The following STRN variants were observed in gnomAD, a reference collection of about 807,000 sequenced individuals.
The protein encoded by STRN is protein phosphatase 2 regulatory subunit B'''alpha.
In STRN, 53 loss-of-function variants were observed where a neutral mutation model predicts 96.3. The observed-to-expected ratio is 0.55, with a 90% CI of 0.44 to 0.69. The LOEUF (loss-of-function observed/expected upper bound fraction) is 0.69, where lower values mean the gene tolerates loss of function less well. Among genes scored for constraint, STRN ranks in the 30% least tolerant of loss-of-function variants. The probability of loss-of-function intolerance (pLI) is 0.00; values close to 1 mark genes in which losing one functional copy is unlikely to be tolerated. For missense variants in STRN, 987 were observed against 963.9 expected (o/e 1.02, Z -0.32); for synonymous variants, 428 against 355.9 (o/e 1.20, Z -2.28).
At chr2:36,878,761 G>GT (rs1183146387) in intron 9 of STRN, among the ~76,000 whole-genome samples, 2 of 150,538 alleles carry the variant, frequency 1.3e-5, no homozygotes, top group African/African-American at 2.4e-5. Context: ...TTTTTTTTAT[G>GT]TTTTTTTCTG....
chr2:36,955,411 T>G (rs929481324), intron 1 of STRN, among the ~76,000 whole-genome samples: 1 of 152,244 alleles, frequency 6.6e-6, no homozygotes, highest in Non-Finnish European at 1.5e-5. Context: ...TGTGCATATG[T>G]GCATATGCAT....
intron 1 of STRN, among the ~76,000 whole-genome samples, chr2:36,955,428 G>A (rs531442876): frequency 2.6e-5 from 4 of 152,356 alleles, no homozygotes; most frequent in East Asian, 1.9e-4. Flanking sequence ...GCATGCGTGT[G>A]TATCCCTGTC....
rs202066152 is a variant in STRN, at chr2:36,855,348, C to G, written c.1842G>C (p.Leu614=). 133 of 1,612,900 alleles carry G rather than the reference C, an allele frequency of 8.2e-5. No individual in the cohort carries two copies. The highest frequency in any genetic ancestry group is 6.2e-4 in the South Asian group (56 of 90,816). Residue 614 remains leucine, a synonymous_variant, in exon 15 of 18, where the codon CTG becomes CTC. Coordinates refer to ENST00000263918, the MANE Select transcript of STRN (RefSeq NM_003162.4). ...CTAGATCCACAGAGGCAGGGATTCC[C>G]AGTTCTGAAAGAGAACATATTGAAA... The part of the protein sequence containing the change: ...ALSVFNDTKE[L]GIPASVDLVS...
intron 2 of STRN, 65 bp downstream of exon 2, chr2:36,925,040 G>T: frequency 6.8e-7 from 1 of 1,474,384 alleles, no homozygotes; most frequent in Non-Finnish European, 9.4e-7. Context: ...TGGGCAACAA[G>T]AACGAAACTC....
At chr2:36,938,012 C>CA (rs1264632451) in intron 1 of STRN, among the ~76,000 whole-genome samples, 3 of 152,100 alleles carry the variant, frequency 2.0e-5, no homozygotes, top group Non-Finnish European at 4.4e-5. Context: ...ATGAACATGG[C>CA]AATGAGTATT....
intron 6 of STRN, among the ~76,000 whole-genome samples, chr2:36,895,639 C>T (rs1409781966): frequency 6.6e-6 from 1 of 151,388 alleles, no homozygotes; most frequent in African/African-American, 2.4e-5. Flanking sequence ...GGGCCAGGTA[C>T]GGTGGCTCAT....
intron 12 of STRN, among the ~76,000 whole-genome samples, chr2:36,866,496 G>A (rs1465001610): frequency 1.3e-5 from 2 of 152,202 alleles, no homozygotes; most frequent in African/African-American, 4.8e-5. Context: ...ATGTACAAAT[G>A]AGAAGAATGT....
intron 7 of STRN, among the ~76,000 whole-genome samples, chr2:36,887,259 T>A (rs1222069684): frequency 1.5e-5 from 2 of 136,706 alleles, no homozygotes; most frequent in Non-Finnish European, 3.2e-5. Context: ...GAAACCCCAT[T>A]TCTAGTAAAA....
At chr2:36,964,691 C>A (rs1558673816) in intron 1 of STRN, among the ~76,000 whole-genome samples, 1 of 152,226 alleles carries the variant, frequency 6.6e-6, no homozygotes, top group Non-Finnish European at 1.5e-5. Flanking sequence ...CAGAGGCCTA[C>A]CCTGACTACC....
chr2:36,849,300 T>C lies in STRN; in HGVS notation c.*156A>G. 1 of 845,254 alleles carries C rather than the reference T, an allele frequency of 1.2e-6. No individual in the cohort carries two copies. Among genetic ancestry groups the C allele is most frequent in the Non-Finnish European group, 1.8e-6 (1 of 561,102 alleles). 52.4% of individuals were successfully genotyped at this position (845,254 alleles called of 1,614,324 possible). On this transcript the variant is annotated 3_prime_UTR_variant, in exon 18 of 18. Coordinates refer to ENST00000263918, the MANE Select transcript of STRN (RefSeq NM_003162.4). ...AACAAACCTTAGTTTTAGAAAACAG[T>C]ATATGAATTGCAAAACTATACTTCA...
intron 2 of STRN, among the ~76,000 whole-genome samples, chr2:36,916,792 G>A (rs1670110653): frequency 2.0e-5 from 3 of 152,062 alleles, no homozygotes; most frequent in Non-Finnish European, 4.4e-5. Context: ...TCTTTTCAAA[G>A]TTGACAGAAT....
At position 36,839,203 on chromosome 2, in the gene STRN, C is replaced by T. The variant is rs1301283034; in HGVS notation, c.*10253G>A. On this transcript the variant is annotated 3_prime_UTR_variant, in exon 18 of 18. Transcript: ENST00000263918. ...AATTCATTTCTGTCACTTTCTTAAC[C>T]TGAAAAACATCAAATCATCCCCCTT... 6.6e-6 allele frequency among the ~76,000 whole-genome samples: 1 copy of T among 152,054 alleles called. No homozygotes were observed. Among genetic ancestry groups the T allele is most frequent in the East Asian group, 1.9e-4 (1 of 5,200 alleles).
intron 1 of STRN, among the ~76,000 whole-genome samples, chr2:36,947,278 T>C (rs980538588): frequency 6.6e-6 from 1 of 152,108 alleles, no homozygotes; most frequent in African/African-American, 2.4e-5. Flanking sequence ...CTTTTACTAA[T>C]AACTACCTGA....
intron 1 of STRN, among the ~76,000 whole-genome samples, chr2:36,954,520 GAA>G (rs35594116): frequency 8.2e-5 from 7 of 84,890 alleles, no homozygotes; most frequent in African/African-American, 1.2e-4. Context: ...TCAAACAGGG[GAA>G]AAAAAAAAAA....
chr2:36,966,527 G>A lies in STRN; in HGVS notation c.-64C>T, dbSNP rs1006402077. 3 of 1,361,992 alleles carry A rather than the reference G, an allele frequency of 2.2e-6. No homozygotes were observed. Among genetic ancestry groups the A allele is most frequent in the African/African-American group, 3.1e-5 (2 of 65,062 alleles). 84.4% of individuals were successfully genotyped at this position (1,361,992 alleles called of 1,614,324 possible). On this transcript the variant is annotated 5_prime_UTR_variant, in exon 1 of 18. Transcript: ENST00000263918. ...GCAGCGGAGGCAACAGCGGCGGCAAGCAGCGCCTCCTCCTCCCTCCGCCGC... is the reference window on the plus strand; with the variant it reads ...GCAGCGGAGGCAACAGCGGCGGCAAACAGCGCCTCCTCCTCCCTCCGCCGC...
Position 36,943,557 on chromosome 2 carries a change from C to G in STRN, c.235-18349G>C, listed in dbSNP as rs537688561. On this transcript the variant is annotated intron_variant, in intron 1 of 17. Coordinates refer to ENST00000263918, the MANE Select transcript of STRN (RefSeq NM_003162.4). ...CAGTGGCTCACACTTGTAATCCCAG[C>G]ACTTCGGGAGGCTGAGGCGGGAGAA... Among the ~76,000 whole-genome samples, 13 of 152,202 alleles carry G rather than the reference C, an allele frequency of 8.5e-5. No individual in the cohort carries two copies. In the South Asian group the frequency reaches 2.5e-3, roughly 29 times the overall value.
chr2:36,958,250 GCACA>G (rs1238334582), intron 1 of STRN, among the ~76,000 whole-genome samples: 1 of 152,018 alleles, frequency 6.6e-6, no homozygotes, highest in Non-Finnish European at 1.5e-5. Flanking sequence ...ACAGCAGGCG[GCACA>G]CAAAGGTAAA....
chr2:36,840,039 C>A lies in STRN; in HGVS notation c.*9417G>T, dbSNP rs1042532781. ...ACCAGCCTGAGAGCATCCTGAGGAA[C>A]TTTGTCCCAGAATTTTCCTCTCCAA... On this transcript the variant is annotated 3_prime_UTR_variant, in exon 18 of 18. Transcript: ENST00000263918. 6.6e-6 allele frequency: 1 copy of A among 152,180 alleles called. No homozygotes were observed. Among genetic ancestry groups the A allele is most frequent in the Admixed American group, 6.5e-5 (1 of 15,280 alleles). 9.4% of individuals were successfully genotyped at this position (152,180 alleles called of 1,614,324 possible).
rs1258618096 is a variant in STRN, at chr2:36,861,176, C to G, written c.1625G>C (p.Gly542Ala). The G allele has an allele frequency of 4.3e-6, 7 of 1,614,044 alleles. No homozygotes were observed. Among genetic ancestry groups the G allele is most frequent in the Non-Finnish European group, 5.9e-6 (7 of 1,179,976 alleles). The change falls in exon 13 of 18, where the codon GGC (glycine) becomes GCC (alanine). Residue 542 changes from glycine (G) to alanine (A), a missense_variant. Transcript: ENST00000263918. ...YSGGTDGLIQGWNTTNPNIDP... is the reference protein window; with the variant it reads ...YSGGTDGLIQAWNTTNPNIDP... ...GATGTTGGGATTAGTGGTATTCCAGCCCTGGATCAGTCCATCAGTACCACC... is the reference window on the plus strand; with the variant it reads ...GATGTTGGGATTAGTGGTATTCCAGGCCTGGATCAGTCCATCAGTACCACC...
Sources: gnomAD v4.1 joint callset for allele counts (sites outside exome capture counted in the v4.1 genomes callset) on GRCh38, gnomAD v4.1.1 for gene constraint, MANE v1.5 for transcripts, NCBI Gene and HGNC (gene_info 2026-07-23, HGNC 2026-07-21) for gene names.